Variants in GALNTL5 observed in about 807,000 individuals in gnomAD.
The protein encoded by GALNTL5 is polypeptide N-acetylgalactosaminyltransferase like 5.
Under a neutral mutation model 51.0 loss-of-function variants are expected in GALNTL5, and 44 were observed. That is an observed-to-expected ratio of 0.86 (90% CI 0.68 to 1.11). The LOEUF (loss-of-function observed/expected upper bound fraction) is 1.11, where lower values mean the gene tolerates loss of function less well. GALNTL5 is among the 50% of genes least tolerant of loss of function. The pLI is 0.00. For synonymous variants in GALNTL5, 192 were observed against 182.8 expected, an observed-to-expected ratio of 1.05 and a Z score of -0.41; for missense variants, 528 against 531.8, an observed-to-expected ratio of 0.99 and a Z score of 0.07.
rs180702146 is a variant in GALNTL5, at chr7:151,981,448, T to C, written c.369-1538T>C. ...AGAGATAGAGAGTGTCCAGACATCATTCAAGCCTCTAGTTCTAATCATTCC... is the reference window on the plus strand; with the variant it reads ...AGAGATAGAGAGTGTCCAGACATCACTCAAGCCTCTAGTTCTAATCATTCC... On this transcript the variant is annotated intron_variant, in intron 3 of 8. Coordinates refer to ENST00000392800, the MANE Select transcript of GALNTL5 (RefSeq NM_145292.4). Among the ~76,000 whole-genome samples the C allele has an allele frequency of 5.3e-5, 8 of 152,232 alleles. No homozygotes were observed. The East Asian group carries it at 9.7e-4, about 18-fold the overall frequency.
At chr7:151,990,415 C>T (rs2081412088) in intron 5 of GALNTL5, among the ~76,000 whole-genome samples, 1 of 150,676 alleles carries the variant, frequency 6.6e-6, no homozygotes, top group African/African-American at 2.4e-5. Flanking sequence ...CCCTTCTCTA[C>T]TAAAAATACA....
Position 151,971,118 on chromosome 7 carries a change from G to A in GALNTL5, c.368+53G>A, listed in dbSNP as rs1189727974. 3.9e-6 allele frequency: 5 copies of A among 1,279,076 alleles called. No homozygotes were observed. The African/African-American group carries it at 6.1e-5, about 16-fold the overall frequency. 79.2% of individuals were successfully genotyped at this position (1,279,076 alleles called of 1,614,324 possible). A position where few individuals can be genotyped will look rare whatever the true frequency, so the allele number is the denominator to read the frequency against. ...CTCTAGATAGATAGATAGATAGATAGATAGATAGATAGATAGATAGAAAGA... is the reference window on the plus strand; with the variant it reads ...CTCTAGATAGATAGATAGATAGATAAATAGATAGATAGATAGATAGAAAGA... On this transcript the variant is annotated intron_variant, in intron 3 of 8. Coordinates refer to ENST00000392800, the MANE Select transcript of GALNTL5 (RefSeq NM_145292.4).
chr7:151,996,408 C>T (rs1343878678), intron 5 of GALNTL5, among the ~76,000 whole-genome samples: 2 of 151,898 alleles, frequency 1.3e-5, no homozygotes, highest in Admixed American at 6.6e-5. Context: ...CCTTGCACAC[C>T]ACATTCTTGA....
chr7:152,005,301 A>T (rs919228057), intron 6 of GALNTL5, among the ~76,000 whole-genome samples: 61 of 152,186 alleles, frequency 4.0e-4, no homozygotes, highest in African/African-American at 1.4e-3. Flanking sequence ...CAGCTCCCTG[A>T]CATGCAGGCA....
chr7:151,963,188 GC>G (rs895704713), intron 1 of GALNTL5, among the ~76,000 whole-genome samples: 1 of 152,150 alleles, frequency 6.6e-6, no homozygotes, highest in Non-Finnish European at 1.5e-5. Context: ...CATTCTGTGG[GC>G]CCCTTTAGTT....
chr7:152,002,670 T>A, intron 5 of GALNTL5, 44 bp from the exon 6 acceptor site: 2 of 1,591,896 alleles, frequency 1.3e-6, no homozygotes, highest in Non-Finnish European at 1.7e-6. Context: ...TGCCGTATTT[T>A]TTCAGCTATG....
At chr7:152,003,609 C>A (rs113260295) in intron 6 of GALNTL5, among the ~76,000 whole-genome samples, 2,544 of 152,264 alleles carry the variant, frequency 0.017, 72 homozygotes, top group African/African-American at 0.059. Flanking sequence ...TCAACATTAG[C>A]TACAGTAATG....
intron 5 of GALNTL5, among the ~76,000 whole-genome samples, chr7:152,002,456 C>T (rs1013207142): frequency 6.6e-6 from 1 of 152,138 alleles, no homozygotes; most frequent in Non-Finnish European, 1.5e-5. Context: ...TCAGTTCCAC[C>T]TGCTCCTTTA....
At chr7:151,981,038 C>G (rs2151945843) in intron 3 of GALNTL5, among the ~76,000 whole-genome samples, 1 of 152,234 alleles carries the variant, frequency 6.6e-6, no homozygotes, top group Middle Eastern at 3.4e-3. Flanking sequence ...AGCCACCGCG[C>G]CCGGCCACAA....
At chr7:151,957,298 C>T (rs899846881) in intron 1 of GALNTL5, among the ~76,000 whole-genome samples, 2 of 151,150 alleles carry the variant, frequency 1.3e-5, no homozygotes, top group East Asian at 1.9e-4. Context: ...AATCCCAGCA[C>T]TTTTGGGGGC....
intron 6 of GALNTL5, among the ~76,000 whole-genome samples, chr7:152,003,824 C>A (rs1364076072): frequency 1.3e-5 from 2 of 152,140 alleles, no homozygotes; most frequent in African/African-American, 4.8e-5. Flanking sequence ...ATTTCCATAT[C>A]TCACATATAA....
At chr7:152,007,997 T>C in intron 7 of GALNTL5, 53 bp downstream of exon 7, 1 of 951,420 alleles carries the variant, frequency 1.1e-6, no homozygotes, top group South Asian at 1.4e-5. Context: ...CCTAACTTTG[T>C]CACATACAAT....
At position 151,974,271 on chromosome 7, in the gene GALNTL5, G is replaced by A. The variant is rs1005063953; in HGVS notation, c.368+3206G>A. On this transcript the variant is annotated intron_variant, in intron 3 of 8. Transcript: ENST00000392800. Reference sequence around the variant, plus strand: ...TCATTACTTTAAGTACCTCATATAAGTGGAATCATATAGTATTTGTCTTTT... The same window carrying A: ...TCATTACTTTAAGTACCTCATATAAATGGAATCATATAGTATTTGTCTTTT... 4.0e-5 allele frequency among the ~76,000 whole-genome samples: 2 copies of A among 49,826 alleles called. 1 individual carries two copies. 32.7% of individuals were successfully genotyped at this position (49,826 alleles called of 152,430 possible).
rs367698304 is a variant in GALNTL5, at chr7:151,998,858, C to T, written c.659-3856C>T. Among the ~76,000 whole-genome samples, 25 of 150,368 alleles carry T rather than the reference C, an allele frequency of 1.7e-4. 1 individual carries two copies. Among genetic ancestry groups the T allele is most frequent in the African/African-American group, 5.9e-4 (24 of 40,740 alleles). On this transcript the variant is annotated intron_variant, in intron 5 of 8. Transcript: ENST00000392800. ...CAAATGGCTAATCATGTGGAAAATTCAACCTCACCAGCGATTAAAAAAAAA... is the reference window on the plus strand; with the variant it reads ...CAAATGGCTAATCATGTGGAAAATTTAACCTCACCAGCGATTAAAAAAAAA...
intron 4 of GALNTL5, among the ~76,000 whole-genome samples, chr7:151,983,366 C>T (rs191916851): frequency 1.3e-4 from 20 of 151,978 alleles, no homozygotes; most frequent in Non-Finnish European, 7.4e-5. Context: ...TTAGTAGAGA[C>T]GGGGTTTCAC....
chr7:151,957,026 A>G (rs2080933619), intron 1 of GALNTL5, among the ~76,000 whole-genome samples: 1 of 151,900 alleles, frequency 6.6e-6, no homozygotes, highest in South Asian at 2.1e-4. Flanking sequence ...CTGATTATAA[A>G]CTGGGCACGG....
chr7:152,010,138 G>T (rs2081711434), intron 7 of GALNTL5, among the ~76,000 whole-genome samples: 2 of 151,318 alleles, frequency 1.3e-5, no homozygotes, highest in South Asian at 2.1e-4. Context: ...TTTTGAGACG[G>T]AGTCTTGCTC....
intron 2 of GALNTL5, among the ~76,000 whole-genome samples, chr7:151,968,470 G>A (rs1295095833): frequency 1.3e-5 from 2 of 152,164 alleles, no homozygotes; most frequent in African/African-American, 4.8e-5. Flanking sequence ...GTAGGTGTGG[G>A]CCTGAAACCC....
intron 8 of GALNTL5, among the ~76,000 whole-genome samples, chr7:152,017,038 C>CA (rs201395203): frequency 0.4 from 46,377 of 116,272 alleles, 7,856 homozygotes; most frequent in Middle Eastern, 0.5. Context: ...AGCTCCATCT[C>CA]AAAAAAAAAA....
Sources: allele counts gnomAD v4.1 joint callset (sites outside exome capture counted in the v4.1 genomes callset), GRCh38; gene constraint gnomAD v4.1.1; transcripts MANE v1.5; gene names NCBI Gene and HGNC (gene_info 2026-07-23, HGNC 2026-07-21).